The following STARD13 variants were observed in gnomAD, a reference collection of about 807,000 sequenced individuals.
STARD13 encodes stAR-related lipid transfer protein 13.
STARD13 carries 62 observed loss-of-function variants against 106.4 expected under a neutral mutation model. That is an observed-to-expected ratio of 0.58 (90% CI 0.48 to 0.72). STARD13 has a LOEUF of 0.72. STARD13 is among the 30% of genes least tolerant of loss of function. The pLI is 0.00. For missense variants in STARD13, 1,387 were observed against 1,424.0 expected, an observed-to-expected ratio of 0.97 and a Z score of 0.42; for synonymous variants, 565 against 553.0, an observed-to-expected ratio of 1.02 and a Z score of -0.31.
the STARD13 span, among the ~76,000 whole-genome samples, chr13:33,557,168 G>T: frequency 6.6e-6 from 1 of 151,858 alleles, no homozygotes; most frequent in African/African-American, 2.4e-5. Context: ...AAAGAATATT[G>T]TTTCCCCCCT....
intron 1 of STARD13, among the ~76,000 whole-genome samples, chr13:33,213,027 G>T (rs1887815211): frequency 6.6e-6 from 1 of 152,212 alleles, no homozygotes; most frequent in East Asian, 1.9e-4. Flanking sequence ...TTGAGTTATT[G>T]ACCCTGATTT....
chr13:33,111,863 T>C lies in STARD13; in HGVS notation c.2522A>G (p.Lys841Arg). The C allele has an allele frequency of 6.2e-7, 1 of 1,613,990 alleles. No homozygotes were observed. Among genetic ancestry groups the C allele is most frequent in the Non-Finnish European group, 8.5e-7 (1 of 1,179,832 alleles). Residue 841 changes from lysine to arginine, a missense_variant, in exon 10 of 14, where the codon AAG becomes AGG. Physicochemically the swap from Lys to Arg is conservative, Grantham distance 26. Transcript: ENST00000336934. ...CTCGTTGAGGTCCTTTTGATCTGGC[T>C]TCCCAGTGGCATATTTCTTCTGTAT... ...RVIQKKYATGKPDQKDLNENL... is the reference protein window; with the variant it reads ...RVIQKKYATGRPDQKDLNENL...
At chr13:33,474,062 T>A in the STARD13 span, among the ~76,000 whole-genome samples, 1 of 152,192 alleles carries the variant, frequency 6.6e-6, no homozygotes, top group African/African-American at 2.4e-5. Context: ...TTTGATAAAC[T>A]GATATTCTTT....
the STARD13 span, among the ~76,000 whole-genome samples, chr13:33,363,970 A>G: frequency 1.3e-5 from 2 of 152,232 alleles, no homozygotes; most frequent in African/African-American, 4.8e-5. Context: ...TGTACATACA[A>G]ACACTTAACT....
intron 1 of STARD13, among the ~76,000 whole-genome samples, chr13:33,334,558 C>T (rs2077873015): frequency 6.6e-6 from 1 of 152,162 alleles, no homozygotes; most frequent in South Asian, 2.1e-4. Context: ...TCCTCCTGCC[C>T]TCTCACCCCC....
chr13:33,458,127 A>C, the STARD13 span, among the ~76,000 whole-genome samples: 4 of 151,638 alleles, frequency 2.6e-5, no homozygotes, highest in African/African-American at 4.9e-5. Context: ...TGCCAAAGTA[A>C]TTATATAAAA....
chr13:33,624,520 C>T, the STARD13 span, among the ~76,000 whole-genome samples: 1 of 152,234 alleles, frequency 6.6e-6, no homozygotes. Context: ...AGAGTTCCTT[C>T]AAGTTGGCAA....
intron 1 of STARD13, among the ~76,000 whole-genome samples, chr13:33,342,675 G>T (rs950849936): frequency 6.6e-6 from 1 of 152,000 alleles, no homozygotes; most frequent in African/African-American, 2.4e-5. Flanking sequence ...GGAGCACAGA[G>T]GCACGAGCCA....
At chr13:33,142,433 T>G in intron 3 of STARD13, 60 bp from the exon 4 acceptor site, 1 of 1,434,590 alleles carries the variant, frequency 7.0e-7, no homozygotes, top group Non-Finnish European at 9.8e-7. Flanking sequence ...CTCTCCAGTT[T>G]GATAATCCTC....
chr13:33,127,247 C>T, intron 6 of STARD13, 126 bp downstream of exon 6: 1 of 1,072,058 alleles, frequency 9.3e-7, no homozygotes, highest in Non-Finnish European at 1.3e-6. Context: ...GCCTTATGTC[C>T]AGGAGATCAT....
At chr13:33,483,133 G>T in the STARD13 span, among the ~76,000 whole-genome samples, 1 of 152,182 alleles carries the variant, frequency 6.6e-6, no homozygotes, top group Non-Finnish European at 1.5e-5. Context: ...TTGGGAGTTG[G>T]AGGGCACATA....
rs371221378 is a variant in STARD13 at position 33,109,858 on chromosome 13, T to C, written c.3047+15A>G. On this transcript the variant is annotated intron_variant, in intron 12 of 13. Transcript: ENST00000336934. ...CTTTGGAACAGAACATCATAAACCC[T>C]AGAGTCAGGCTCACCTGAGAACCAC... is the stretch of plus-strand genomic sequence containing the variant. 48 of 1,613,206 alleles carry C rather than the reference T, an allele frequency of 3.0e-5. No individual in the cohort carries two copies. In the African/African-American group the frequency reaches 5.7e-4, roughly 19 times the overall value.
chr13:33,673,420 T>C, the STARD13 span, among the ~76,000 whole-genome samples: 1 of 152,200 alleles, frequency 6.6e-6, no homozygotes, highest in Admixed American at 6.5e-5. Flanking sequence ...TTGTGAGTCC[T>C]CTAAGTGTTG....
intron 1 of STARD13, among the ~76,000 whole-genome samples, chr13:33,183,841 G>A (rs1215738207): frequency 1.3e-5 from 2 of 152,106 alleles, no homozygotes; most frequent in African/African-American, 4.8e-5. Context: ...ATTCCCCCAG[G>A]CTGCCCCATT....
chr13:33,599,766 A>G, the STARD13 span, among the ~76,000 whole-genome samples: 1 of 152,224 alleles, frequency 6.6e-6, no homozygotes, highest in South Asian at 2.1e-4. Flanking sequence ...ATGCCATTTA[A>G]TAAATGTGGA....
chr13:33,210,588 T>C (rs544800591), intron 1 of STARD13, among the ~76,000 whole-genome samples: 2 of 152,302 alleles, frequency 1.3e-5, no homozygotes, highest in South Asian at 4.1e-4. Flanking sequence ...ATTCCATAGT[T>C]AGAATGGAAT....
At chr13:33,401,233 A>T in the STARD13 span, among the ~76,000 whole-genome samples, 1 of 152,156 alleles carries the variant, frequency 6.6e-6, no homozygotes, top group South Asian at 2.1e-4. Context: ...TATTTATTTA[A>T]ACATTTTTTT....
At chr13:33,495,848 ATAAT>A in the STARD13 span, among the ~76,000 whole-genome samples, 1,076 of 145,848 alleles carry the variant, frequency 7.4e-3, 5 homozygotes, top group Middle Eastern at 0.047. Flanking sequence ...AGAATGTACT[ATAAT>A]TATATAATAT....
chr13:33,323,883 G>A (rs891264334), intron 1 of STARD13, among the ~76,000 whole-genome samples: 2 of 151,994 alleles, frequency 1.3e-5, no homozygotes, highest in African/African-American at 4.8e-5. Flanking sequence ...CTCTACTGAG[G>A]GAAACAAAAA....
Sources: allele counts gnomAD v4.1 joint callset (sites outside exome capture counted in the v4.1 genomes callset), GRCh38; gene constraint gnomAD v4.1.1; transcripts MANE v1.5; gene names NCBI Gene and HGNC (gene_info 2026-07-23, HGNC 2026-07-21).